Variants in R3HCC1L observed in about 807,000 individuals in gnomAD.
The protein encoded by R3HCC1L is R3H domain and coiled-coil containing 1 like, also known as coiled-coil domain-containing protein R3HCC1L.
In R3HCC1L, 51 loss-of-function variants were observed where a neutral mutation model predicts 59.9. The observed-to-expected ratio is 0.85, with a 90% confidence interval of 0.68 to 1.07. R3HCC1L has a LOEUF of 1.07. Ranked by LOEUF, R3HCC1L falls within the 50% of genes least tolerant of loss-of-function variation. R3HCC1L has a pLI of 0.00. For synonymous variants in R3HCC1L, 322 were observed against 315.2 expected, an observed-to-expected ratio of 1.02 and a Z score of -0.23; for missense variants, 965 against 933.0, an observed-to-expected ratio of 1.03 and a Z score of -0.45.
intron 4 of R3HCC1L, among the ~76,000 whole-genome samples, chr10:98,189,989 A>T (rs1202564184): frequency 6.6e-6 from 1 of 152,206 alleles, no homozygotes; most frequent in Non-Finnish European, 1.5e-5. Flanking sequence ...CTTTCCTTGG[A>T]TACCACAATT....
intron 9 of R3HCC1L, among the ~76,000 whole-genome samples, chr10:98,242,014 A>G (rs368960710): frequency 2.6e-5 from 4 of 152,128 alleles, no homozygotes; most frequent in Admixed American, 2.0e-4. Flanking sequence ...CATATGGCTT[A>G]CCATTAGAAT....
At chr10:98,200,121 A>G (rs61875284) in intron 4 of R3HCC1L, among the ~76,000 whole-genome samples, 27,931 of 152,044 alleles carry the variant, frequency 0.18, 2,711 homozygotes, top group Non-Finnish European at 0.2. Context: ...TGATTCTGCC[A>G]GAATCAAAGG....
rs1008103076 is a variant in R3HCC1L, at chr10:98,202,053, T to C, written c.-14-6048T>C. Reference sequence around the variant, plus strand: ...AGAGCTCGGATTACAGGCGCATGCCTCTGGCTGAGATTTTAACATTAAATT... The same window carrying C: ...AGAGCTCGGATTACAGGCGCATGCCCCTGGCTGAGATTTTAACATTAAATT... On this transcript the variant is annotated intron_variant, in intron 4 of 9. Coordinates refer to ENST00000298999, the MANE Select transcript of R3HCC1L (RefSeq NM_001351015.2). Among the ~76,000 whole-genome samples, 12 of 152,152 alleles carry C rather than the reference T, an allele frequency of 7.9e-5. No homozygotes were observed. In the East Asian group the frequency reaches 2.3e-3, roughly 29 times the overall value.
intron 4 of R3HCC1L, among the ~76,000 whole-genome samples, chr10:98,202,238 G>T (rs938259876): frequency 3.9e-5 from 6 of 152,094 alleles, no homozygotes; most frequent in African/African-American, 1.4e-4. Flanking sequence ...AATCAGAGAA[G>T]AATAAACAAA....
rs759098965 is a variant in R3HCC1L, at chr10:98,208,534, T to A, written c.420T>A (p.Phe140Leu). 7 of 1,614,146 alleles carry A rather than the reference T, an allele frequency of 4.3e-6. No homozygotes were observed. Among genetic ancestry groups the A allele is most frequent in the Non-Finnish European group, 5.9e-6 (7 of 1,180,006 alleles). ...VITNAPLQRH[F>L]KPKKVECLEV... ...CTAATGCACCTTTGCAGAGACATTT[T>A]AAACCAAAGAAGGTGGAGTGTTTGG... The change falls in exon 5 of 10, where the codon TTT (phenylalanine) becomes TTA (leucine). Residue 140 changes from phenylalanine (F) to leucine (L), a missense_variant. Phe to Leu is a conservative substitution (Grantham distance 22). Transcript: ENST00000298999.
At chr10:98,153,449 C>T (rs963482838) in intron 1 of R3HCC1L, among the ~76,000 whole-genome samples, 1 of 152,040 alleles carries the variant, frequency 6.6e-6, no homozygotes, top group Admixed American at 6.5e-5. Flanking sequence ...TCCCTAATCT[C>T]AAGTACCCAG....
At chr10:98,140,778 A>G (rs2133861798) in intron 1 of R3HCC1L, among the ~76,000 whole-genome samples, 1 of 152,338 alleles carries the variant, frequency 6.6e-6, no homozygotes, top group East Asian at 1.9e-4. Context: ...TATTTTGCAT[A>G]TTCAGCATGC....
chr10:98,172,893 A>AT (rs1480686277), intron 4 of R3HCC1L, among the ~76,000 whole-genome samples: 2 of 152,168 alleles, frequency 1.3e-5, no homozygotes, highest in Non-Finnish European at 2.9e-5. Context: ...CAGACTAAAA[A>AT]TTTTACAAGT....
rs548513226 is a variant in R3HCC1L at position 98,209,027 on chromosome 10, A to T, written c.913A>T (p.Thr305Ser). ...STGFILDQKD[T>S]DSIPATMGHI... The stretch of plus-strand genomic sequence containing the variant: ...AGGTTTCATCTTAGATCAAAAAGAT[A>T]CAGATTCCATTCCTGCAACTATGGG... The change falls in exon 5 of 10, where the codon ACA (threonine) becomes TCA (serine). Residue 305 changes from threonine to serine, a missense_variant. Coordinates refer to ENST00000298999, the MANE Select transcript of R3HCC1L (RefSeq NM_001351015.2). 6.8e-6 allele frequency: 11 copies of T among 1,613,882 alleles called. No individual in the cohort carries two copies. The South Asian group carries it at 9.9e-5, about 14-fold the overall frequency.
At chr10:98,134,785 G>C (rs112443738) in intron 1 of R3HCC1L, 79 bp downstream of exon 1, 4 of 152,264 alleles carry the variant, frequency 2.6e-5, no homozygotes, top group African/African-American at 9.6e-5. Context: ...TCACAGCCCG[G>C]GACAAGACTT....
intron 4 of R3HCC1L, among the ~76,000 whole-genome samples, chr10:98,195,575 T>G (rs1346148533): frequency 6.9e-6 from 1 of 145,956 alleles, no homozygotes; most frequent in Non-Finnish European, 1.5e-5. Context: ...TGTAAAGTCC[T>G]TTTGTATTAA....
At chr10:98,200,849 C>T (rs999513487) in intron 4 of R3HCC1L, among the ~76,000 whole-genome samples, 3 of 152,104 alleles carry the variant, frequency 2.0e-5, no homozygotes, top group Non-Finnish European at 4.4e-5. Flanking sequence ...GATTTTTAAA[C>T]ATCTTCACCA....
At chr10:98,165,092 T>G (rs1847803880) in intron 4 of R3HCC1L, among the ~76,000 whole-genome samples, 1 of 152,146 alleles carries the variant, frequency 6.6e-6, no homozygotes, top group Non-Finnish European at 1.5e-5. Context: ...AAACCCTGTC[T>G]CTACTATAAA....
chr10:98,142,061 A>T (rs1306320511), intron 1 of R3HCC1L, among the ~76,000 whole-genome samples: 2 of 152,216 alleles, frequency 1.3e-5, no homozygotes, highest in Non-Finnish European at 2.9e-5. Flanking sequence ...TTGTTAAAAA[A>T]TTTGTACTAA....
chr10:98,150,462 G>A (rs1846036337), intron 1 of R3HCC1L, among the ~76,000 whole-genome samples: 5 of 150,926 alleles, frequency 3.3e-5, no homozygotes, highest in Admixed American at 2.6e-4. Context: ...ACTTGTTTTG[G>A]TTTTTATTAT....
At position 98,208,230 on chromosome 10, in the gene R3HCC1L, G is replaced by C. The variant is rs1161794166; in HGVS notation, c.116G>C (p.Ser39Thr). 1.9e-6 allele frequency: 3 copies of C among 1,613,962 alleles called. No individual in the cohort carries two copies. The highest frequency in any genetic ancestry group is 2.5e-6 in the Non-Finnish European group (3 of 1,180,018). ...VLLKTGDEEE[S>T]CGSPNSVVKE... ...CTTAAGACAGGTGATGAAGAAGAAA[G>C]CTGTGGTTCACCTAACTCTGTGGTG... Residue 39 changes from serine (S) to threonine (T), a missense_variant, in exon 5 of 10, where the codon AGC (serine) becomes ACC (threonine). Coordinates refer to ENST00000298999, the MANE Select transcript of R3HCC1L (RefSeq NM_001351015.2).
intron 1 of R3HCC1L, among the ~76,000 whole-genome samples, chr10:98,135,347 T>C (rs1844454843): frequency 1.3e-5 from 2 of 152,240 alleles, no homozygotes; most frequent in Admixed American, 1.3e-4. Flanking sequence ...GCTGGACCTG[T>C]GATCTTTTGT....
intron 1 of R3HCC1L, among the ~76,000 whole-genome samples, chr10:98,154,382 T>G (rs1846627565): frequency 6.6e-6 from 1 of 152,154 alleles, no homozygotes; most frequent in Non-Finnish European, 1.5e-5. Flanking sequence ...TGATGGCAGC[T>G]GGGAGGGTCT....
chr10:98,177,405 C>T (rs920372575), intron 4 of R3HCC1L, among the ~76,000 whole-genome samples: 3 of 152,122 alleles, frequency 2.0e-5, no homozygotes, highest in Admixed American at 6.5e-5. Context: ...GTATATGTGC[C>T]ACATTTTCTT....
Sources: allele counts gnomAD v4.1 joint callset (sites outside exome capture counted in the v4.1 genomes callset), GRCh38; gene constraint gnomAD v4.1.1; transcripts MANE v1.5; gene names NCBI Gene and HGNC (gene_info 2026-07-23, HGNC 2026-07-21).